Variants in RBMS3 observed in about 807,000 individuals in gnomAD.
The protein encoded by RBMS3 is RNA binding motif single stranded interacting protein 3, also known as RNA-binding motif, single-stranded-interacting protein 3.
RBMS3 carries 27 observed loss-of-function variants against 66.8 expected under a neutral mutation model. The observed-to-expected ratio is 0.40, with a 90% CI of 0.30 to 0.56. The LOEUF (loss-of-function observed/expected upper bound fraction) is 0.56. Ranked by LOEUF, RBMS3 falls within the 20% of genes least tolerant of loss-of-function variation. The pLI, the probability that RBMS3 is intolerant of heterozygous loss-of-function variation, is 0.40. For missense variants in RBMS3, 513 were observed against 549.5 expected, an observed-to-expected ratio of 0.93 and a Z score of 0.66; for synonymous variants, 188 against 183.0, an observed-to-expected ratio of 1.03 and a Z score of -0.22.
chr3:29,398,520 T>C (rs911130493), intron 1 of RBMS3, among the ~76,000 whole-genome samples: 1 of 152,186 alleles, frequency 6.6e-6, no homozygotes, highest in Non-Finnish European at 1.5e-5. Context: ...GATCTTGGTT[T>C]GGCAAAAGTC....
chr3:29,663,734 C>T (rs141091061), intron 4 of RBMS3, among the ~76,000 whole-genome samples: 5 of 150,632 alleles, frequency 3.3e-5, no homozygotes, highest in Admixed American at 6.7e-5. Context: ...TATGATCAGA[C>T]ATTCGTAGAT....
intron 2 of RBMS3, among the ~76,000 whole-genome samples, chr3:29,484,634 A>G (rs1367769383): frequency 6.6e-6 from 1 of 152,192 alleles, no homozygotes; most frequent in African/African-American, 2.4e-5. Context: ...CCATTTGTAG[A>G]TTGAACTTGT....
At chr3:29,598,080 T>C (rs544207793) in intron 4 of RBMS3, among the ~76,000 whole-genome samples, 1 of 152,236 alleles carries the variant, frequency 6.6e-6, no homozygotes, top group African/African-American at 2.4e-5. Context: ...GAATGACATA[T>C]TACTTGTGGA....
At chr3:29,411,635 C>T (rs1241771513) in intron 1 of RBMS3, among the ~76,000 whole-genome samples, 4 of 152,146 alleles carry the variant, frequency 2.6e-5, no homozygotes, top group East Asian at 1.9e-4. Context: ...TTATGCCCAA[C>T]GGTGTTTGGA....
intron 6 of RBMS3, among the ~76,000 whole-genome samples, chr3:29,862,728 C>T (rs2059246921): frequency 6.6e-6 from 1 of 151,848 alleles, no homozygotes; most frequent in African/African-American, 2.4e-5. Flanking sequence ...CCTATAGTCC[C>T]AGATACTCAG....
chr3:29,659,768 T>G (rs2050463248), intron 4 of RBMS3, among the ~76,000 whole-genome samples: 1 of 152,264 alleles, frequency 6.6e-6, no homozygotes, highest in South Asian at 2.1e-4. Context: ...TACTGCATCA[T>G]ATGGTAATTC....
chr3:29,717,825 C>T (rs1188620012), intron 4 of RBMS3, among the ~76,000 whole-genome samples: 5 of 152,014 alleles, frequency 3.3e-5, no homozygotes, highest in East Asian at 1.9e-4. Flanking sequence ...GATAATAACC[C>T]GTTTAGATCT....
intron 10 of RBMS3, among the ~76,000 whole-genome samples, chr3:29,902,127 C>T (rs1158882578): frequency 1.3e-5 from 2 of 151,766 alleles, no homozygotes; most frequent in South Asian, 4.2e-4. Context: ...GGACAGGAAA[C>T]CCATTTTAGC....
intron 6 of RBMS3, among the ~76,000 whole-genome samples, chr3:29,832,970 A>G (rs754477449): frequency 8.5e-5 from 13 of 152,206 alleles, no homozygotes; most frequent in Admixed American, 3.3e-4. Flanking sequence ...GAGAAGGCAT[A>G]TGAACTTGAG....
intron 8 of RBMS3, among the ~76,000 whole-genome samples, chr3:29,887,631 G>A (rs1285098978): frequency 6.6e-6 from 1 of 151,570 alleles, no homozygotes; most frequent in Non-Finnish European, 1.5e-5. Context: ...TCTTTATAGT[G>A]GTATGAAAAC....
At chr3:29,435,988 A>AAC (rs1333876191) in intron 2 of RBMS3, among the ~76,000 whole-genome samples, 1 of 151,836 alleles carries the variant, frequency 6.6e-6, no homozygotes, top group South Asian at 2.1e-4. Flanking sequence ...AAAAAAAAGA[A>AAC]GACGAATCGT....
chr3:29,936,236 G>T (rs2061262607), intron 11 of RBMS3, 40 bp downstream of exon 11: 2 of 1,550,904 alleles, frequency 1.3e-6, no homozygotes, highest in African/African-American at 1.4e-5. Context: ...GAACTTTTTT[G>T]ATCAGATGTG....
chr3:29,302,007 AT>A (rs201116762), intron 1 of RBMS3, among the ~76,000 whole-genome samples: 1 of 151,880 alleles, frequency 6.6e-6, no homozygotes, highest in African/African-American at 2.4e-5. Context: ...ACAATATTAA[AT>A]TTTTTTTAAA....
intron 3 of RBMS3, among the ~76,000 whole-genome samples, chr3:29,520,105 G>C (rs1167624292): frequency 6.6e-6 from 1 of 152,100 alleles, no homozygotes; most frequent in Admixed American, 6.5e-5. Flanking sequence ...TATTAAGAAG[G>C]TCCATTCATT....
At chr3:29,992,542 C>A (rs1017271072) in intron 14 of RBMS3, among the ~76,000 whole-genome samples, 1 of 151,982 alleles carries the variant, frequency 6.6e-6, no homozygotes, top group Non-Finnish European at 1.5e-5. Context: ...GAGCAGCTTG[C>A]GGTGAGCAGA....
At chr3:29,689,697 T>G (rs1209447808) in intron 4 of RBMS3, among the ~76,000 whole-genome samples, 1 of 152,042 alleles carries the variant, frequency 6.6e-6, no homozygotes, top group Admixed American at 6.6e-5. Context: ...TTTTCTCAGT[T>G]ATTAGTCTAA....
At chr3:29,757,741 A>G (rs1015093681) in intron 5 of RBMS3, among the ~76,000 whole-genome samples, 2 of 152,214 alleles carry the variant, frequency 1.3e-5, no homozygotes, top group African/African-American at 4.8e-5. Context: ...GATTTTCTAT[A>G]TATTGCACAC....
chr3:29,304,563 G>A (rs750120233), intron 1 of RBMS3, among the ~76,000 whole-genome samples: 1 of 151,902 alleles, frequency 6.6e-6, no homozygotes, highest in East Asian at 2.0e-4. Context: ...CCACATAGAA[G>A]ATCCCAGAAA....
At chr3:29,448,905 G>A (rs967219214) in intron 2 of RBMS3, among the ~76,000 whole-genome samples, 2 of 152,184 alleles carry the variant, frequency 1.3e-5, no homozygotes, top group African/African-American at 2.4e-5. Flanking sequence ...GCAAGTGACT[G>A]AATGAGAACT....
Sources: allele counts gnomAD v4.1 joint callset (sites outside exome capture counted in the v4.1 genomes callset), GRCh38; gene constraint gnomAD v4.1.1; transcripts MANE v1.5; gene names NCBI Gene and HGNC (gene_info 2026-07-23, HGNC 2026-07-21).